Variants in RALGAPA2 observed in about 807,000 individuals in gnomAD.
The protein encoded by RALGAPA2 is Ral GTPase activating protein catalytic subunit alpha 2.
A neutral mutation model predicts 230.4 loss-of-function variants in RALGAPA2; 139 were observed. The ratio of observed to expected loss-of-function variants is 0.60; its 90% CI spans 0.53 to 0.69. The LOEUF (loss-of-function observed/expected upper bound fraction) is 0.69, where lower values mean the gene tolerates loss of function less well. Ranked by LOEUF, RALGAPA2 falls within the 30% of genes least tolerant of loss-of-function variation. The probability of loss-of-function intolerance (pLI) is 0.00; values close to 1 mark genes in which losing one functional copy is unlikely to be tolerated. For missense variants in RALGAPA2, 2,163 were observed against 2,276.0 expected, an observed-to-expected ratio of 0.95 and a Z score of 1.01; for synonymous variants, 847 against 837.8, an observed-to-expected ratio of 1.01 and a Z score of -0.19.
chr20:20,405,963 C>T (rs563280863), intron 38 of RALGAPA2, among the ~76,000 whole-genome samples: 1 of 152,182 alleles, frequency 6.6e-6, no homozygotes, highest in Admixed American at 6.5e-5. Flanking sequence ...GGAAAGAAAT[C>T]CCATGTACCA....
At chr20:20,439,513 C>T (rs1367223048) in intron 37 of RALGAPA2, among the ~76,000 whole-genome samples, 1 of 152,116 alleles carries the variant, frequency 6.6e-6, no homozygotes, top group African/African-American at 2.4e-5. Flanking sequence ...ACACCCAGCC[C>T]CTGGTCACTT....
intron 34 of RALGAPA2, 136 bp from the exon 35 acceptor site, chr20:20,503,642 T>A (rs1355323012): frequency 1.4e-6 from 1 of 698,262 alleles, no homozygotes; most frequent in East Asian, 3.4e-5. Context: ...ACAAATGTAA[T>A]ACAAAGTTAG....
chr20:20,466,201 G>A (rs888694797), intron 37 of RALGAPA2, among the ~76,000 whole-genome samples: 4 of 152,264 alleles, frequency 2.6e-5, no homozygotes, highest in Non-Finnish European at 5.9e-5. Context: ...CATAGGGTCA[G>A]ATATTCTGAT....
In RALGAPA2 at chr20:20,531,705, C is replaced by T. The variant is rs747751770; in HGVS notation, c.3564G>A (p.Val1188=). Residue 1188 remains valine, a synonymous_variant, in exon 27 of 40, where the codon GTG becomes GTA. Coordinates refer to ENST00000202677, the MANE Select transcript of RALGAPA2 (RefSeq NM_020343.4). ...SHPQVKEAIN[V]IGVTLKFPNK... ...GTAATACCTTCAGAGTTACTCCTAT[C>T]ACATTGATGGCCTCTTTCACCTGAG... 33 of 1,605,264 alleles carry T rather than the reference C, an allele frequency of 2.1e-5. No individual in the cohort carries two copies. Among genetic ancestry groups the T allele is most frequent in the Non-Finnish European group, 2.8e-5 (33 of 1,175,240 alleles).
Position 20,527,992 on chromosome 20 carries a change from G to A in RALGAPA2, c.3583-1630C>T, listed in dbSNP as rs1477662219. Among the ~76,000 whole-genome samples, 3 of 152,158 alleles carry A rather than the reference G, an allele frequency of 2.0e-5. No individual in the cohort carries two copies. In the East Asian group the frequency reaches 5.8e-4, roughly 29 times the overall value. On this transcript the variant is annotated intron_variant, in intron 27 of 39. Coordinates refer to ENST00000202677, the MANE Select transcript of RALGAPA2 (RefSeq NM_020343.4). ...ACAAAAGCTATGGGCAGACAGGAGT[G>A]GGACATGAGGCTTGGGGGAAAACAG...
chr20:20,503,044 C>T (rs931494382), intron 35 of RALGAPA2, among the ~76,000 whole-genome samples: 1 of 152,160 alleles, frequency 6.6e-6, no homozygotes, highest in Non-Finnish European at 1.5e-5. Flanking sequence ...GCTGCCAAAT[C>T]GCCCCGCAGC....
chr20:20,508,100 G>C (rs1287728181), intron 33 of RALGAPA2, among the ~76,000 whole-genome samples: 2 of 152,196 alleles, frequency 1.3e-5, no homozygotes, highest in African/African-American at 4.8e-5. Context: ...GAGCACAAGA[G>C]AGCTAAGCCT....
At chr20:20,494,351 G>A (rs1055950800) in intron 36 of RALGAPA2, among the ~76,000 whole-genome samples, 7 of 152,150 alleles carry the variant, frequency 4.6e-5, no homozygotes, top group Non-Finnish European at 7.4e-5. Flanking sequence ...TCCTCTTGAG[G>A]GATGGCTTAA....
intron 20 of RALGAPA2, among the ~76,000 whole-genome samples, chr20:20,573,858 C>A (rs1241843341): frequency 6.6e-6 from 1 of 152,162 alleles, no homozygotes; most frequent in Non-Finnish European, 1.5e-5. Context: ...TAGATTTGTT[C>A]CTGTTTTTTG....
intron 3 of RALGAPA2, among the ~76,000 whole-genome samples, chr20:20,661,217 G>T (rs956411287): frequency 1.3e-5 from 2 of 152,062 alleles, no homozygotes; most frequent in East Asian, 3.9e-4. Flanking sequence ...GGAGAGCAAT[G>T]GCGCAATCTT....
chr20:20,602,813 CGTGTGTGTGTGT>C (rs35087554), intron 15 of RALGAPA2, among the ~76,000 whole-genome samples: 3 of 147,782 alleles, frequency 2.0e-5, no homozygotes, highest in African/African-American at 2.5e-5. Flanking sequence ...GAATGGCAGG[CGTGTGTGTGTGT>C]GTGTGTGTGT....
intron 37 of RALGAPA2, among the ~76,000 whole-genome samples, chr20:20,448,274 T>C (rs2060909510): frequency 6.6e-6 from 1 of 152,238 alleles, no homozygotes; most frequent in Admixed American, 6.5e-5. Context: ...TTGAGAGTAC[T>C]TGACCGAGTA....
intron 16 of RALGAPA2, among the ~76,000 whole-genome samples, chr20:20,600,277 C>CA (rs1221922186): frequency 6.6e-6 from 1 of 152,174 alleles, no homozygotes. Flanking sequence ...GCCTGAACAA[C>CA]AGCATGAGAC....
At chr20:20,630,344 G>A (rs2066630510) in intron 9 of RALGAPA2, among the ~76,000 whole-genome samples, 2 of 151,988 alleles carry the variant, frequency 1.3e-5, no homozygotes, top group African/African-American at 4.8e-5. Context: ...AAAATATATA[G>A]CCCAAATACA....
In RALGAPA2 at chr20:20,424,286, G is replaced by A. The variant is rs144102186; in HGVS notation, c.5496-12138C>T. Among the ~76,000 whole-genome samples the A allele has an allele frequency of 2.7e-3, 407 of 152,220 alleles. 2 individuals are homozygous for A. The highest frequency in any genetic ancestry group is 9.4e-3 in the African/African-American group (392 of 41,524). On this transcript the variant is annotated intron_variant, in intron 37 of 39. Transcript: ENST00000202677. The stretch of plus-strand genomic sequence containing the variant: ...AAGTGAGAAAATGCCCCGTGACACC[G>A]TCGCTCAAAGTCTCACATCAGTAAA...
At chr20:20,502,922 G>C (rs1408779366) in intron 35 of RALGAPA2, among the ~76,000 whole-genome samples, 1 of 152,150 alleles carries the variant, frequency 6.6e-6, no homozygotes, top group South Asian at 2.1e-4. Flanking sequence ...GGTGGATAAG[G>C]TTTCCTTTGA....
At chr20:20,494,081 A>T (rs2062138421) in intron 36 of RALGAPA2, among the ~76,000 whole-genome samples, 1 of 152,214 alleles carries the variant, frequency 6.6e-6, no homozygotes, top group Admixed American at 6.5e-5. Flanking sequence ...TAATAATAAT[A>T]ATAGCTAACA....
At chr20:20,452,676 A>T (rs1192558926) in intron 37 of RALGAPA2, among the ~76,000 whole-genome samples, 1 of 152,204 alleles carries the variant, frequency 6.6e-6, no homozygotes, top group African/African-American at 2.4e-5. Flanking sequence ...GGTAAGTGCA[A>T]TGTCGGCCGG....
intron 38 of RALGAPA2, among the ~76,000 whole-genome samples, chr20:20,399,973 A>G (rs781025511): frequency 1.1e-4 from 16 of 152,206 alleles, no homozygotes; most frequent in Middle Eastern, 3.2e-3. Flanking sequence ...AAAGAGAATG[A>G]TTTTGAGAGC....
Sources: allele counts gnomAD v4.1 joint callset (sites outside exome capture counted in the v4.1 genomes callset), GRCh38; gene constraint gnomAD v4.1.1; transcripts MANE v1.5; gene names NCBI Gene and HGNC (gene_info 2026-07-23, HGNC 2026-07-21).